RAP1GAP2: variants seen among roughly 807,000 people sequenced by gnomAD.
The protein encoded by RAP1GAP2 is rap1 GTPase-activating protein 2.
Under a neutral mutation model 95.0 loss-of-function variants are expected in RAP1GAP2, and 27 were observed. The ratio of observed to expected loss-of-function variants is 0.28; its 90% CI spans 0.21 to 0.39. RAP1GAP2 has a LOEUF of 0.39. RAP1GAP2 is among the 10% of genes least tolerant of loss of function. RAP1GAP2 has a pLI of 1.00. For missense variants in RAP1GAP2, 771 were observed against 970.0 expected (o/e 0.79, Z 2.72); for synonymous variants, 373 against 380.9 (o/e 0.98, Z 0.24).
chr17:2,797,666 T>G lies in RAP1GAP2; in HGVS notation c.44+1095T>G. ...CATCCATCCTCTGGCAGGGGGGGAC[T>G]GTGGGCACTCCATGTTTGGCAGATG... On this transcript the variant is annotated intron_variant, in intron 1 of 24. Transcript: ENST00000254695. The surrounding 1 kb of genome is among the most constrained non-coding windows in gnomAD (Gnocchi z 5.6). The G allele has an allele frequency of 2.0e-6, 2 of 983,892 alleles. No homozygotes were observed. The highest frequency in any genetic ancestry group is 2.4e-6 in the Non-Finnish European group (2 of 828,604). The allele number at this position is 983,892 out of a possible 1,614,324, so 60.9% of individuals were successfully genotyped here.
intron 3 of RAP1GAP2, among the ~76,000 whole-genome samples, chr17:2,943,206 G>C (rs557539379): frequency 4.0e-5 from 6 of 151,572 alleles, no homozygotes; most frequent in Non-Finnish European, 8.8e-5. Context: ...ATATTTTATA[G>C]AGATTGAATT....
chr17:2,959,221 A>C (rs141999499), intron 4 of RAP1GAP2, among the ~76,000 whole-genome samples: 1 of 151,966 alleles, frequency 6.6e-6, no homozygotes, highest in Non-Finnish European at 1.5e-5. Flanking sequence ...ACTTTGCCCC[A>C]CACAGGGTCT....
chr17:2,777,851 C>A (rs933380146), intron 1 of RAP1GAP2, among the ~76,000 whole-genome samples: 5 of 152,130 alleles, frequency 3.3e-5, no homozygotes, highest in African/African-American at 1.2e-4. Flanking sequence ...TGGGGCCATC[C>A]CTCAAGCCCT....
rs1410120946 is a variant in RAP1GAP2, at chr17:2,824,669, GGC to G, written c.80+24121_80+24122del. On this transcript the variant is annotated intron_variant, in intron 2 of 24. Coordinates refer to ENST00000254695, the MANE Select transcript of RAP1GAP2 (RefSeq NM_015085.5). ...GCAGGAGAATTGCTTGAACCTGGGA[GGC>G]GGAGGTTGCAGTGAGCCGAGATTGC... is the stretch of plus-strand genomic sequence containing the variant. Among the ~76,000 whole-genome samples, 36 of 151,136 alleles carry G rather than the reference GGC, an allele frequency of 2.4e-4. No homozygotes were observed. The South Asian group carries it at 7.5e-3, about 32-fold the overall frequency.
intron 2 of RAP1GAP2, among the ~76,000 whole-genome samples, chr17:2,843,921 C>T (rs375987503): frequency 2.0e-5 from 3 of 150,332 alleles, no homozygotes; most frequent in African/African-American, 7.4e-5. Context: ...GTACAGTGAG[C>T]GAGGGGTTGG....
rs141313369 is a variant in RAP1GAP2 at position 2,997,796 on chromosome 17, G to A, written c.1045-425G>A. ...GAAATTAGTGGGTGTAGTGTCACGC[G>A]TCTGTAATCCCAGCTACTCGGGAGG... On this transcript the variant is annotated intron_variant, in intron 13 of 24. Coordinates refer to ENST00000254695, the MANE Select transcript of RAP1GAP2 (RefSeq NM_015085.5). Among the ~76,000 whole-genome samples the A allele has an allele frequency of 1.8e-4, 27 of 151,870 alleles. No homozygotes were observed. In the East Asian group the frequency reaches 4.5e-3, roughly 25 times the overall value.
At chr17:2,860,323 A>G (rs575077322) in intron 2 of RAP1GAP2, among the ~76,000 whole-genome samples, 10 of 152,308 alleles carry the variant, frequency 6.6e-5, no homozygotes, top group Admixed American at 4.6e-4. Flanking sequence ...GCTTTAAAGA[A>G]CAAACACCTC....
Position 3,027,181 on chromosome 17 carries a change from C to A in RAP1GAP2, c.2107+111C>A. 4 of 1,366,366 alleles carry A rather than the reference C, an allele frequency of 2.9e-6. No individual in the cohort carries two copies. The highest frequency in any genetic ancestry group is 2.9e-6 in the Non-Finnish European group (3 of 1,022,848). 84.6% of individuals were successfully genotyped at this position (1,366,366 alleles called of 1,614,324 possible). ...AACTGGCCAGTTTTCACCCCTCCTC[C>A]CAGCTGTGAGGCCCTCCGCTCTGTG... is the stretch of plus-strand genomic sequence containing the variant. On this transcript the variant is annotated intron_variant, in intron 22 of 24. Transcript: ENST00000254695. This position sits in a 1 kb window ranked among gnomAD's most constrained non-coding sequence, Gnocchi z 5.2.
chr17:2,792,949 T>C (rs2068964548), upstream of RAP1GAP2, among the ~76,000 whole-genome samples: 6 of 152,290 alleles, frequency 3.9e-5, no homozygotes, highest in South Asian at 1.2e-3. Context: ...GATAAAAGCA[T>C]CTGTCAGCTT....
At chr17:2,997,846 C>T (rs2046011701) in intron 13 of RAP1GAP2, among the ~76,000 whole-genome samples, 1 of 151,046 alleles carries the variant, frequency 6.6e-6, no homozygotes, top group South Asian at 2.1e-4. Context: ...TCACTTGAAC[C>T]CAGGAGGCGG....
At chr17:2,767,920 A>G (rs138967487) in intron 1 of RAP1GAP2, among the ~76,000 whole-genome samples, 148 of 152,162 alleles carry the variant, frequency 9.7e-4, no homozygotes, top group African/African-American at 3.4e-3. Context: ...ATTTTTAGCA[A>G]ACGAGGTTTC....
intron 3 of RAP1GAP2, among the ~76,000 whole-genome samples, chr17:2,932,342 T>G (rs2043181658): frequency 6.6e-6 from 1 of 151,778 alleles, no homozygotes; most frequent in Non-Finnish European, 1.5e-5. Context: ...ATGGTCTCTC[T>G]GGGGGACAAC....
intron 2 of RAP1GAP2, among the ~76,000 whole-genome samples, chr17:2,824,478 C>T (rs1597378482): frequency 6.7e-6 from 1 of 149,198 alleles, no homozygotes; most frequent in East Asian, 2.0e-4. Flanking sequence ...CATGGTGGCT[C>T]ACGCCTGTAA....
chr17:3,009,133 T>C (rs1178127429), intron 17 of RAP1GAP2, among the ~76,000 whole-genome samples: 1 of 152,202 alleles, frequency 6.6e-6, no homozygotes, highest in Non-Finnish European at 1.5e-5. Context: ...GGGCAGTCTT[T>C]CAAGCCTCTT....
At position 3,034,140 on chromosome 17, in the gene RAP1GAP2, A is replaced by G. The variant is rs909280902; in HGVS notation, c.*779A>G. 6.4e-6 allele frequency: 1 copy of G among 155,418 alleles called. No homozygotes were observed. Among genetic ancestry groups the G allele is most frequent in the Non-Finnish European group, 1.4e-5 (1 of 70,014 alleles). 9.6% of individuals were successfully genotyped at this position (155,418 alleles called of 1,614,324 possible). On this transcript the variant is annotated 3_prime_UTR_variant, in exon 25 of 25. Transcript: ENST00000254695. The surrounding 1 kb of genome is among the most constrained non-coding windows in gnomAD (Gnocchi z 5.1). The stretch of plus-strand genomic sequence containing the variant: ...GGGTCCCACCCGGTTTCTCCTGATT[A>G]TGGCTGCTGTGGGGTGAGGGGAGGG...
At chr17:2,813,395 G>A (rs953270206) in intron 2 of RAP1GAP2, among the ~76,000 whole-genome samples, 1 of 152,052 alleles carries the variant, frequency 6.6e-6, no homozygotes, top group African/African-American at 2.4e-5. Flanking sequence ...AAGATCCCCC[G>A]TTCATTCCAA....
chr17:2,816,240 T>TG (rs1300641470), intron 2 of RAP1GAP2, among the ~76,000 whole-genome samples: 1 of 151,290 alleles, frequency 6.6e-6, no homozygotes, highest in Non-Finnish European at 1.5e-5. Context: ...TGTTTTGTTT[T>TG]TTTTTTTTCT....
Position 2,927,344 on chromosome 17 carries a change from G to A in RAP1GAP2, c.165+21976G>A, listed in dbSNP as rs372484067. Among the ~76,000 whole-genome samples the A allele has an allele frequency of 6.4e-3, 969 of 151,800 alleles. 12 individuals are homozygous for A. Among genetic ancestry groups the A allele is most frequent in the South Asian group, 0.029 (140 of 4,796 alleles). On this transcript the variant is annotated intron_variant, in intron 3 of 24. Coordinates refer to ENST00000254695, the MANE Select transcript of RAP1GAP2 (RefSeq NM_015085.5). Reference sequence around the variant, plus strand: ...AATTTTTTGTATTTTTAGTAGAGACGGGGTTTCACCGTGTTAGCCAGGATG... The same window carrying A: ...AATTTTTTGTATTTTTAGTAGAGACAGGGTTTCACCGTGTTAGCCAGGATG...
intron 11 of RAP1GAP2, among the ~76,000 whole-genome samples, chr17:2,990,226 T>G (rs1350448914): frequency 6.6e-6 from 1 of 152,224 alleles, no homozygotes; most frequent in Non-Finnish European, 1.5e-5. Flanking sequence ...TGTGGACATG[T>G]TTTCATTTCT....
Sources: allele counts gnomAD v4.1 joint callset (sites outside exome capture counted in the v4.1 genomes callset), GRCh38; gene constraint gnomAD v4.1.1; non-coding constraint Gnocchi (gnomAD v3.1); transcripts MANE v1.5; gene names NCBI Gene and HGNC (gene_info 2026-07-23, HGNC 2026-07-21).